The following C21orf58 variants were observed in gnomAD, a reference collection of about 807,000 sequenced individuals.
C21orf58 encodes uncharacterized protein C21orf58.
C21orf58 carries 34 observed loss-of-function variants against 35.8 expected under a neutral mutation model. That is an observed-to-expected ratio of 0.95 (90% confidence interval 0.72 to 1.26). The LOEUF (loss-of-function observed/expected upper bound fraction) is 1.26, where lower values mean the gene tolerates loss of function less well. Among genes scored for constraint, C21orf58 ranks in the 50% most tolerant of loss-of-function variants. The pLI, the probability that C21orf58 is intolerant of heterozygous loss-of-function variation, is 0.00. For missense variants in C21orf58, 440 were observed against 414.3 expected (o/e 1.06, Z -0.54); for synonymous variants, 191 against 175.8 (o/e 1.09, Z -0.68).
chr21:46,322,743 C>G lies in C21orf58; in HGVS notation c.-5G>C. 6.7e-7 allele frequency: 1 copy of G among 1,493,050 alleles called. No individual in the cohort carries two copies. Among genetic ancestry groups the G allele is most frequent in the South Asian group, 1.3e-5 (1 of 77,478 alleles). 92.5% of individuals were successfully genotyped at this position (1,493,050 alleles called of 1,614,324 possible). ...AGGGAGCCGAGATCGCGCCATTGCG[C>G]TATAGCCTGGGCGTCGCAGCGAGAC... is the stretch of plus-strand genomic sequence containing the variant. On this transcript the variant is annotated 5_prime_UTR_variant, in exon 1 of 8. Coordinates refer to ENST00000291691, the MANE Select transcript of C21orf58 (RefSeq NM_058180.5).
chr21:46,317,024 T>C (rs190101211), intron 3 of C21orf58, among the ~76,000 whole-genome samples, 184 bp downstream of exon 3: 2 of 152,230 alleles, frequency 1.3e-5, no homozygotes, highest in Admixed American at 1.3e-4. Context: ...CTAAAGGTGA[T>C]AAGGAATGGG....
rs2083208938 is a variant in C21orf58, at chr21:46,322,584, C to G, written c.100+55G>C. Reference sequence around the variant, plus strand: ...ATGAGCCCACTGCCCAGAGTTTGCTCAAACCACCCAATTCCGAGTCTGGGA... The same window carrying G: ...ATGAGCCCACTGCCCAGAGTTTGCTGAAACCACCCAATTCCGAGTCTGGGA... On this transcript the variant is annotated intron_variant, in intron 1 of 7. Transcript: ENST00000291691. The G allele has an allele frequency of 2.1e-6, 3 of 1,423,092 alleles. No individual in the cohort carries two copies. The African/African-American group carries it at 4.4e-5, about 21-fold the overall frequency. The allele number at this position is 1,423,092 out of a possible 1,614,324, so 88.2% of individuals were successfully genotyped here.
At chr21:46,321,864 CCTT>C (rs976837628) in intron 1 of C21orf58, among the ~76,000 whole-genome samples, 2 of 149,284 alleles carry the variant, frequency 1.3e-5, no homozygotes, top group African/African-American at 2.5e-5. Context: ...ACGTTTCCCT[CCTT>C]GAGGGTGAGT....
At chr21:46,308,713 T>C (rs1173631364) in intron 6 of C21orf58, among the ~76,000 whole-genome samples, 2 of 152,042 alleles carry the variant, frequency 1.3e-5, no homozygotes, top group Non-Finnish European at 2.9e-5. Flanking sequence ...GTGGCAGTAT[T>C]GAGAGGTGGG....
chr21:46,317,939 T>C, intron 2 of C21orf58, 73 bp downstream of exon 2: 3 of 1,526,232 alleles, frequency 2.0e-6, no homozygotes, highest in Non-Finnish European at 2.7e-6. Context: ...CCTGCAGGGC[T>C]GTCTCGAAGA....
chr21:46,316,836 C>A (rs2082992803), intron 3 of C21orf58, among the ~76,000 whole-genome samples: 1 of 152,190 alleles, frequency 6.6e-6, no homozygotes, highest in South Asian at 2.1e-4. Flanking sequence ...CTGGACGTCC[C>A]CGGGTAACAG....
chr21:46,310,598 T>C (rs1313566521), intron 6 of C21orf58, among the ~76,000 whole-genome samples: 1 of 150,976 alleles, frequency 6.6e-6, no homozygotes, highest in Non-Finnish European at 1.5e-5. Flanking sequence ...CACCTGAGGT[T>C]GGGAGTTCAA....
chr21:46,316,758 C>T (rs975015710), intron 3 of C21orf58, among the ~76,000 whole-genome samples: 2 of 152,228 alleles, frequency 1.3e-5, no homozygotes, highest in Non-Finnish European at 2.9e-5. Context: ...AGCTGAGCCC[C>T]CACAGCTCAC....
chr21:46,308,602 G>A (rs1263936214), intron 6 of C21orf58, among the ~76,000 whole-genome samples: 2 of 152,176 alleles, frequency 1.3e-5, no homozygotes, highest in Non-Finnish European at 2.9e-5. Flanking sequence ...AAAACAAGAA[G>A]CAACCCAAAT....
At chr21:46,321,901 C>CTTTTTTTTTTTTTTTTTTT (rs397867797) in intron 1 of C21orf58, among the ~76,000 whole-genome samples, 1 of 119,132 alleles carries the variant, frequency 8.4e-6, no homozygotes. Flanking sequence ...ATCTGGGCAG[C>CTTTTTTTTTTTTTTTTTTT]TTTTTTTTTT....
At position 46,302,110 on chromosome 21, in the gene C21orf58, T is replaced by G. The variant is rs1416860270; in HGVS notation, c.858A>C (p.Pro286=). ...VPPRVPRAAR[P]RLPAVHHHHH... is the part of the protein sequence containing the mutation. ...GGTGGTGGTGCACGGCAGGCAGCCT[T>G]GGCCTGGCAGCTCGTGGGACCCTCG... Residue 286 remains proline (P), a synonymous_variant, in exon 8 of 8, where the codon CCA becomes CCC. Coordinates refer to ENST00000291691, the MANE Select transcript of C21orf58 (RefSeq NM_058180.5). The G allele has an allele frequency of 6.6e-7, 1 of 1,525,676 alleles. No homozygotes were observed. The highest frequency in any genetic ancestry group is 8.8e-7 in the Non-Finnish European group (1 of 1,136,330). 94.5% of individuals were successfully genotyped at this position (1,525,676 alleles called of 1,614,324 possible).
downstream of C21orf58, chr21:46,300,719 C>T (rs1453990113): frequency 7.8e-7 from 1 of 1,286,976 alleles, no homozygotes. Flanking sequence ...TGTCTCCTAC[C>T]TGCAAACTTT....
At chr21:46,306,310 C>G (rs1167740857) in intron 6 of C21orf58, among the ~76,000 whole-genome samples, 2 of 151,736 alleles carry the variant, frequency 1.3e-5, no homozygotes, top group African/African-American at 4.8e-5. Context: ...GACCATCTGG[C>G]CAACATGGTG....
chr21:46,318,545 G>T (rs1452457535), intron 1 of C21orf58: 1 of 1,243,508 alleles, frequency 8.0e-7, no homozygotes, highest in Admixed American at 3.6e-5. Context: ...TGTGTGTCAG[G>T]GGAGGGCGCC....
intron 1 of C21orf58, chr21:46,318,520 C>A: frequency 7.7e-7 from 1 of 1,294,766 alleles, no homozygotes; most frequent in Non-Finnish European, 9.9e-7. Flanking sequence ...CCTCAGGACC[C>A]AGTCCAGAAG....
At chr21:46,305,312 T>TA (rs1158547065) in intron 6 of C21orf58, among the ~76,000 whole-genome samples, 1 of 150,932 alleles carries the variant, frequency 6.6e-6, no homozygotes, top group East Asian at 1.9e-4. Flanking sequence ...TTTTTTTTTT[T>TA]AATCACAAAT....
chr21:46,314,181 G>A (rs554411791), intron 5 of C21orf58, among the ~76,000 whole-genome samples: 7 of 141,476 alleles, frequency 4.9e-5, no homozygotes, highest in Admixed American at 7.7e-5. Flanking sequence ...GGGCTCAAGC[G>A]ATTCTCCTGC....
chr21:46,320,105 A>G (rs1455563325), intron 1 of C21orf58, among the ~76,000 whole-genome samples: 1 of 151,460 alleles, frequency 6.6e-6, no homozygotes, highest in South Asian at 2.1e-4. Flanking sequence ...ACTCCATCTT[A>G]TGTATTTTTT....
At chr21:46,319,344 T>TCC (rs1238912165) in intron 1 of C21orf58, among the ~76,000 whole-genome samples, 1 of 152,114 alleles carries the variant, frequency 6.6e-6, no homozygotes, top group East Asian at 1.9e-4. Flanking sequence ...GGCCTTACCC[T>TCC]CCCTCCAGAT....
Sources: allele counts gnomAD v4.1 joint callset (sites outside exome capture counted in the v4.1 genomes callset), GRCh38; gene constraint gnomAD v4.1.1; transcripts MANE v1.5; gene names NCBI Gene and HGNC (gene_info 2026-07-23, HGNC 2026-07-21).